CIB1: variants seen among roughly 807,000 people sequenced by gnomAD.
CIB1 encodes calcium and integrin binding 1.
In CIB1, 19 loss-of-function variants were observed where a neutral mutation model predicts 25.0. That is an observed-to-expected ratio of 0.76 (90% CI 0.53 to 1.12). The LOEUF (loss-of-function observed/expected upper bound fraction) is 1.12, where lower values mean the gene tolerates loss of function less well. Among genes scored for constraint, CIB1 ranks in the 50% most tolerant of loss-of-function variants. The pLI is 0.00. For missense variants in CIB1, 236 were observed against 242.6 expected (o/e 0.97, Z 0.18); for synonymous variants, 104 against 98.5 (o/e 1.06, Z -0.33).
At chr15:90,257,419 A>T in the CIB1 span, 1 of 1,318,794 alleles carries the variant, frequency 7.6e-7, no homozygotes, top group Non-Finnish European at 1.0e-6. Flanking sequence ...TCTAGCTGGG[A>T]GGCAAGTGTT....
At chr15:90,251,598 A>G in the CIB1 span, 1 of 1,613,864 alleles carries the variant, frequency 6.2e-7, no homozygotes, top group Non-Finnish European at 8.5e-7. Flanking sequence ...GAGAGTGGTA[A>G]GCACCCAGCC....
chr15:90,234,998 G>A (rs1428441317), upstream of CIB1, among the ~76,000 whole-genome samples: 1 of 152,174 alleles, frequency 6.6e-6, no homozygotes, highest in Non-Finnish European at 1.5e-5. Flanking sequence ...TCTTTGTAAA[G>A]TCTAAATCTG....
the CIB1 span, chr15:90,264,759 T>C: frequency 6.5e-7 from 1 of 1,535,758 alleles, no homozygotes; most frequent in Admixed American, 2.0e-5. Flanking sequence ...ATAAACCGAG[T>C]CCTGGCAGGA....
At chr15:90,239,041 G>A (rs1962691665), upstream of CIB1, among the ~76,000 whole-genome samples, 1 of 152,166 alleles carries the variant, frequency 6.6e-6, no homozygotes, top group African/African-American at 2.4e-5. Context: ...GTTCAATGAT[G>A]AGTGTGTGAG....
chr15:90,256,623 T>C, the CIB1 span, among the ~76,000 whole-genome samples: 1 of 88,960 alleles, frequency 1.1e-5, no homozygotes, highest in Non-Finnish European at 2.2e-5. Flanking sequence ...CCTTCCTTCC[T>C]TCCTTCCTTC....
the CIB1 span, among the ~76,000 whole-genome samples, chr15:90,251,114 C>CTGTTTTTTT: frequency 3.8e-5 from 4 of 104,666 alleles, 1 homozygote; most frequent in Admixed American, 1.2e-4. Flanking sequence ...CCTGGTCTGT[C>CTGTTTTTTT]TTTTTTTTTT....
the CIB1 span, chr15:90,250,932 C>A: frequency 6.3e-7 from 1 of 1,589,974 alleles, no homozygotes; most frequent in South Asian, 1.1e-5. Flanking sequence ...TCCAGGGAGT[C>A]ACCCATTGGC....
chr15:90,249,411 A>G, the CIB1 span: 1 of 152,168 alleles, frequency 6.6e-6, no homozygotes, highest in African/African-American at 2.4e-5. Flanking sequence ...GCCAGCTCCA[A>G]AGGGCAAACG....
the CIB1 span, chr15:90,263,687 G>A: frequency 3.2e-6 from 2 of 616,738 alleles, no homozygotes; most frequent in Admixed American, 5.4e-5. Flanking sequence ...TTCTTCCAAC[G>A]CTCCATCCAA....
At chr15:90,257,053 A>T in the CIB1 span, 1 of 1,258,264 alleles carries the variant, frequency 7.9e-7, no homozygotes, top group Non-Finnish European at 1.1e-6. Flanking sequence ...AAATTCAATT[A>T]GCTATGTGTG....
chr15:90,261,917 G>A, the CIB1 span: 7 of 1,104,340 alleles, frequency 6.3e-6, no homozygotes, highest in East Asian at 3.0e-5. Context: ...GAAGCCAGCA[G>A]GAGGGTCTCC....
chr15:90,259,153 TAG>T, the CIB1 span: 1 of 969,900 alleles, frequency 1.0e-6, no homozygotes, highest in Non-Finnish European at 1.4e-6. Flanking sequence ...GCTTGAGCCC[TAG>T]AGTTCAACAC....
chr15:90,237,484 C>T (rs1489219754), upstream of CIB1, among the ~76,000 whole-genome samples: 6 of 151,982 alleles, frequency 3.9e-5, no homozygotes, highest in African/African-American at 1.5e-4. Flanking sequence ...CAGGGTTTCA[C>T]CATGTTGGCC....
the CIB1 span, chr15:90,244,795 G>A: frequency 0.53 from 80,021 of 151,998 alleles, 22,587 homozygotes; most frequent in African/African-American, 0.72. Flanking sequence ...CTCCAGCCTG[G>A]GCGATAGTGC....
chr15:90,256,089 G>A, the CIB1 span: 51 of 1,599,240 alleles, frequency 3.2e-5, no homozygotes, highest in East Asian at 8.9e-5. Context: ...ATGCGGCCCC[G>A]GGAAAGCCTT....
chr15:90,242,249 C>T, the CIB1 span: 5 of 307,892 alleles, frequency 1.6e-5, no homozygotes, highest in Non-Finnish European at 2.7e-5. Context: ...CACCACACAC[C>T]TGGCTTTTTT....
At chr15:90,265,710 G>C in the CIB1 span, 1 of 1,613,210 alleles carries the variant, frequency 6.2e-7, no homozygotes, top group Non-Finnish European at 8.5e-7. Context: ...GGTTTGCGTC[G>C]ACATGGCGGT....
chr15:90,263,677 T>G, the CIB1 span: 34 of 610,286 alleles, frequency 5.6e-5, no homozygotes, highest in African/African-American at 4.4e-4. Context: ...AGTTACCTCC[T>G]TCTTCCAACG....
chr15:90,258,162 T>C, the CIB1 span: 1 of 1,614,238 alleles, frequency 6.2e-7, no homozygotes, highest in Admixed American at 1.7e-5. Flanking sequence ...ACGCCACAAC[T>C]ACCGAACCTG....
Sources: allele counts gnomAD v4.1 joint callset (sites outside exome capture counted in the v4.1 genomes callset), GRCh38; gene constraint gnomAD v4.1.1; transcripts MANE v1.5; gene names NCBI Gene and HGNC (gene_info 2026-07-23, HGNC 2026-07-21).